The following SUPT3H variants were observed in gnomAD, a reference collection of about 807,000 sequenced individuals.
SUPT3H encodes SPT3 homolog, SAGA and STAGA complex component, also known as transcription initiation protein SPT3 homolog.
A neutral mutation model predicts 44.3 loss-of-function variants in SUPT3H; 44 were observed. The observed-to-expected ratio is 0.99, with a 90% CI of 0.78 to 1.28. SUPT3H has a LOEUF of 1.28. Among genes scored for constraint, SUPT3H ranks in the 50% most tolerant of loss-of-function variants. The pLI is 0.00. For missense variants in SUPT3H, 380 were observed against 387.1 expected (o/e 0.98, Z 0.15); for synonymous variants, 124 against 125.6 (o/e 0.99, Z 0.09).
At chr6:45,054,031 C>T (rs1311247645) in intron 3 of SUPT3H, among the ~76,000 whole-genome samples, 1 of 151,858 alleles carries the variant, frequency 6.6e-6, no homozygotes, top group Non-Finnish European at 1.5e-5. Flanking sequence ...CACTGAAATG[C>T]CAAGAAAAAT....
At chr6:45,128,555 TATACACACACACACAC>T (rs1234339232) in intron 2 of SUPT3H, among the ~76,000 whole-genome samples, 3 of 58,294 alleles carry the variant, frequency 5.1e-5, no homozygotes, top group African/African-American at 2.3e-4. Flanking sequence ...TATATATATA[TATACACACACACACAC>T]ACACACACAC....
intron 2 of SUPT3H, among the ~76,000 whole-genome samples, chr6:45,356,219 GT>G (rs1394055476): frequency 1.3e-5 from 2 of 151,340 alleles, no homozygotes; most frequent in Admixed American, 6.6e-5. Context: ...CACAGCTAAG[GT>G]TTTTTTTAAA....
chr6:44,993,136 C>G (rs1376720594), intron 6 of SUPT3H, among the ~76,000 whole-genome samples: 3 of 152,058 alleles, frequency 2.0e-5, no homozygotes, highest in Non-Finnish European at 4.4e-5. Flanking sequence ...GCATTTCAGC[C>G]TGGGGAACAG....
chr6:44,979,755 A>G (rs1371574935), intron 6 of SUPT3H, among the ~76,000 whole-genome samples: 1 of 152,186 alleles, frequency 6.6e-6, no homozygotes, highest in Non-Finnish European at 1.5e-5. Flanking sequence ...AGTTCATTTC[A>G]TTGGCACAAA....
intron 2 of SUPT3H, among the ~76,000 whole-genome samples, chr6:45,304,911 G>GA (rs1287732140): frequency 5.9e-5 from 9 of 152,078 alleles, no homozygotes; most frequent in Admixed American, 3.3e-4. Flanking sequence ...TCAACAGCCT[G>GA]AAACGTTTAT....
intron 3 of SUPT3H, among the ~76,000 whole-genome samples, chr6:45,077,805 C>A (rs79442998): frequency 0.061 from 9,202 of 151,906 alleles, 942 homozygotes; most frequent in African/African-American, 0.21. Context: ...CACACCTCAA[C>A]TTTTTGTTTT....
At chr6:45,257,308 G>A (rs2153655792) in intron 2 of SUPT3H, among the ~76,000 whole-genome samples, 1 of 152,290 alleles carries the variant, frequency 6.6e-6, no homozygotes, top group East Asian at 1.9e-4. Context: ...AACCTACTAA[G>A]GGAAATGCTG....
At chr6:44,863,206 T>C (rs908169339) in intron 10 of SUPT3H, among the ~76,000 whole-genome samples, 1 of 152,256 alleles carries the variant, frequency 6.6e-6, no homozygotes, top group Non-Finnish European at 1.5e-5. Flanking sequence ...CCAGTCACTC[T>C]TCTAGGTGTG....
chr6:45,264,161 A>T (rs948149248), intron 2 of SUPT3H, among the ~76,000 whole-genome samples: 12 of 152,214 alleles, frequency 7.9e-5, no homozygotes, highest in East Asian at 5.8e-4. Context: ...CTTATTTTTT[A>T]AAAAATTTAC....
At chr6:44,820,953 C>T (rs57148952) in intron 11 of SUPT3H, among the ~76,000 whole-genome samples, 16,104 of 152,080 alleles carry the variant, frequency 0.11, 1,300 homozygotes, top group African/African-American at 0.22. Flanking sequence ...TGGGCTCAAG[C>T]GATTCTCCTG....
Position 45,033,617 on chromosome 6 carries a change from C to T in SUPT3H, c.187-12985G>A, listed in dbSNP as rs115736846. On this transcript the variant is annotated intron_variant, in intron 3 of 10. Transcript: ENST00000371459. ...CTAAAATAATTTCAATGAGTTTATG[C>T]TAGAAATCAGACAACTGCAAGATAG... 4.4e-3 allele frequency among the ~76,000 whole-genome samples: 677 copies of T among 152,144 alleles called. 3 individuals are homozygous for T. The highest frequency in any genetic ancestry group is 7.2e-3 in the Non-Finnish European group (489 of 68,000).
chr6:45,266,202 A>C (rs1203958222), intron 2 of SUPT3H, among the ~76,000 whole-genome samples: 1 of 152,062 alleles, frequency 6.6e-6, no homozygotes, highest in Non-Finnish European at 1.5e-5. Flanking sequence ...AGGAAATTCA[A>C]AATGGATTTA....
chr6:45,348,809 G>A (rs1025428822), intron 2 of SUPT3H, among the ~76,000 whole-genome samples: 2 of 152,038 alleles, frequency 1.3e-5, no homozygotes, highest in Admixed American at 6.6e-5. Context: ...ACAACTCTGT[G>A]TAACCAAAAT....
intron 3 of SUPT3H, among the ~76,000 whole-genome samples, chr6:45,071,286 A>C (rs1027694371): frequency 1.3e-5 from 2 of 152,140 alleles, no homozygotes; most frequent in African/African-American, 4.8e-5. Context: ...CACATCAAGA[A>C]AATCTAAATT....
At chr6:44,881,684 C>T (rs543816031) in intron 10 of SUPT3H, among the ~76,000 whole-genome samples, 5 of 152,100 alleles carry the variant, frequency 3.3e-5, no homozygotes, top group Admixed American at 1.3e-4. Context: ...TCATAAACAG[C>T]CTCTCAGACC....
chr6:44,839,531 C>T (rs979548350), intron 10 of SUPT3H, among the ~76,000 whole-genome samples: 1 of 151,970 alleles, frequency 6.6e-6, no homozygotes, highest in Non-Finnish European at 1.5e-5. Flanking sequence ...TGGTCTTGAA[C>T]TCCTGGGCTT....
chr6:45,217,028 G>C (rs1281812968), intron 2 of SUPT3H, among the ~76,000 whole-genome samples: 1 of 152,046 alleles, frequency 6.6e-6, no homozygotes, highest in Admixed American at 6.6e-5. Flanking sequence ...TTGGTTAAAG[G>C]ATATAAAACT....
chr6:45,015,922 C>G (rs1784193200), intron 4 of SUPT3H, among the ~76,000 whole-genome samples: 1 of 151,952 alleles, frequency 6.6e-6, no homozygotes, highest in African/African-American at 2.4e-5. Flanking sequence ...ATGGAACTGT[C>G]AGCTCCCTTG....
Position 44,827,258 on chromosome 6 carries a change from C to T in SUPT3H, c.*2558G>A, listed in dbSNP as rs1047965256. The stretch of plus-strand genomic sequence containing the variant: ...TACCACAGTCACACTGAAGATTTTA[C>T]TATATAACACGTATGCTTTAGGATG... On this transcript the variant is annotated 3_prime_UTR_variant, in exon 11 of 11. Coordinates refer to ENST00000371459, the MANE Select transcript of SUPT3H (RefSeq NM_003599.4). Among the ~76,000 whole-genome samples, 1 of 152,120 alleles carries T rather than the reference C, an allele frequency of 6.6e-6. No individual in the cohort carries two copies. The highest frequency in any genetic ancestry group is 2.1e-4 in the South Asian group (1 of 4,826).
Sources: gnomAD v4.1 joint callset for allele counts (sites outside exome capture counted in the v4.1 genomes callset) on GRCh38, gnomAD v4.1.1 for gene constraint, MANE v1.5 for transcripts, NCBI Gene and HGNC (gene_info 2026-07-23, HGNC 2026-07-21) for gene names.